PZP: variants seen among roughly 807,000 people sequenced by gnomAD.
PZP encodes pregnancy zone protein.
PZP carries 150 observed loss-of-function variants against 179.8 expected under a neutral mutation model. The observed-to-expected ratio is 0.83, with a 90% confidence interval of 0.73 to 0.96. The LOEUF (loss-of-function observed/expected upper bound fraction) is 0.96. Ranked by LOEUF, PZP falls within the 40% of genes least tolerant of loss-of-function variation. The pLI is 0.00. For missense variants in PZP, 1,689 were observed against 1,764.0 expected, an observed-to-expected ratio of 0.96 and a Z score of 0.76; for synonymous variants, 624 against 652.3, an observed-to-expected ratio of 0.96 and a Z score of 0.66.
chr12:9,189,369 A>C (rs768544105), intron 13 of PZP, among the ~76,000 whole-genome samples: 1 of 152,270 alleles, frequency 6.6e-6, no homozygotes, highest in Admixed American at 6.5e-5. Context: ...TCTGATCTTC[A>C]ACAAAGCTAA....
chr12:9,207,889 ACTT>A (rs1944519140), intron 1 of PZP, among the ~76,000 whole-genome samples: 1 of 152,268 alleles, frequency 6.6e-6, no homozygotes, highest in Admixed American at 6.5e-5. Flanking sequence ...AAGGAGCTAT[ACTT>A]TCTGTATATA....
chr12:9,187,371 A>C (rs900282990), intron 13 of PZP, among the ~76,000 whole-genome samples: 4 of 152,160 alleles, frequency 2.6e-5, no homozygotes, highest in Non-Finnish European at 5.9e-5. Context: ...ACAAAACAAC[A>C]ACACATACAT....
Position 9,166,094 on chromosome 12 carries a change from C to T in PZP, c.2216G>A (p.Ser739Asn). 6.2e-7 allele frequency: 1 copy of T among 1,612,606 alleles called. No individual in the cohort carries two copies. Among genetic ancestry groups the T allele is most frequent in the Non-Finnish European group, 8.5e-7 (1 of 1,179,782 alleles). The change falls in exon 18 of 36, where the codon AGC becomes AAC. Residue 739 changes from serine (S) to asparagine (N), a missense_variant. Coordinates refer to ENST00000261336, the MANE Select transcript of PZP (RefSeq NM_002864.3). ...SSGPVPETVRSYFPETWIWEL... is the reference protein window; with the variant it reads ...SSGPVPETVRNYFPETWIWEL... ...CCAGATCCAAGTCTCAGGAAAATAG[C>T]TTCGCACCGTTTCAGGGACTGGCCC...
intron 22 of PZP, among the ~76,000 whole-genome samples, chr12:9,161,696 T>A (rs767904674): frequency 6.6e-6 from 1 of 152,218 alleles, no homozygotes; most frequent in Non-Finnish European, 1.5e-5. Context: ...TGAATATACC[T>A]TAAATTAGTC....
intron 13 of PZP, among the ~76,000 whole-genome samples, chr12:9,189,738 T>C (rs1054518666): frequency 4.6e-5 from 7 of 152,178 alleles, no homozygotes; most frequent in African/African-American, 1.7e-4. Flanking sequence ...TTGCAATCTA[T>C]GCATCCAATA....
intron 15 of PZP, among the ~76,000 whole-genome samples, chr12:9,179,317 C>T (rs1395535725): frequency 6.6e-6 from 1 of 152,098 alleles, no homozygotes; most frequent in African/African-American, 2.4e-5. Flanking sequence ...TTTATTGCCT[C>T]TCTCTAAGGA....
At chr12:9,138,572 T>C in the PZP span, among the ~76,000 whole-genome samples, 4 of 152,018 alleles carry the variant, frequency 2.6e-5, no homozygotes, top group Non-Finnish European at 4.4e-5. Context: ...TTGAGACTGA[T>C]TGGCACTTTT....
chr12:9,197,365 A>G lies in PZP; in HGVS notation c.756-242T>C, dbSNP rs1298793726. On this transcript the variant is annotated intron_variant, in intron 7 of 35. Coordinates refer to ENST00000261336, the MANE Select transcript of PZP (RefSeq NM_002864.3). Reference sequence around the variant, plus strand: ...ATTGAATATATATATTTATATAAATATTTTTATATATTTAATATATAATAT... The same window carrying G: ...ATTGAATATATATATTTATATAAATGTTTTTATATATTTAATATATAATAT... 2.1e-5 allele frequency among the ~76,000 whole-genome samples: 3 copies of G among 142,684 alleles called. No individual in the cohort carries two copies. In the East Asian group the frequency reaches 5.9e-4, roughly 28 times the overall value. The allele number at this position is 142,684 out of a possible 152,430, so 93.6% of individuals were successfully genotyped here. A position where few individuals can be genotyped will look rare whatever the true frequency, so the allele number is the denominator to read the frequency against.
At chr12:9,139,862 G>A in the PZP span, among the ~76,000 whole-genome samples, 1 of 152,168 alleles carries the variant, frequency 6.6e-6, no homozygotes, top group Non-Finnish European at 1.5e-5. Flanking sequence ...TTTTGGTCAG[G>A]ACCACTCTCT....
At chr12:9,194,550 T>A (rs112175487) in intron 10 of PZP, among the ~76,000 whole-genome samples, 1 of 149,284 alleles carries the variant, frequency 6.7e-6, no homozygotes, top group Non-Finnish European at 1.5e-5. Flanking sequence ...CTGCAAGCTC[T>A]GCCTCCTGGA....
chr12:9,174,061 C>T (rs1328081752), intron 15 of PZP, among the ~76,000 whole-genome samples: 3 of 152,124 alleles, frequency 2.0e-5, no homozygotes, highest in African/African-American at 7.2e-5. Context: ...TGATGAACAT[C>T]GATGCAAAAA....
At chr12:9,139,002 C>G in the PZP span, among the ~76,000 whole-genome samples, 2 of 151,748 alleles carry the variant, frequency 1.3e-5, no homozygotes, top group Non-Finnish European at 2.9e-5. Flanking sequence ...TTTCTAGCCT[C>G]TTGAAGTATA....
rs375594058 is a variant in PZP at position 9,161,035 on chromosome 12, A to G, written c.2870T>C (p.Leu957Pro). The G allele has an allele frequency of 1.3e-6, 2 of 1,579,904 alleles. No homozygotes were observed. The highest frequency in any genetic ancestry group is 4.5e-5 in the East Asian group (2 of 44,720). Reference sequence around the variant, plus strand: ...TTACTAAATGGAAGGTGACTCACCCAGAACTGAGAAAGAAGCTCTGGCAGA... The same window carrying G: ...TTACTAAATGGAAGGTGACTCACCCGGAACTGAGAAAGAAGCTCTGGCAGA... ...KESARASFSV[L>P]GDILGSAMQN... The change falls in exon 23 of 36, where the codon CTG becomes CCG. Residue 957 changes from leucine (L) to proline (P), a missense_variant and splice_region_variant. Physicochemically the swap from Leu to Pro is moderately conservative, Grantham distance 98 (BLOSUM62 -3). Around this residue, in one of 3 missense-constraint regions of PZP, gnomAD observed 746 missense variants for 749.2 expected, o/e 1.00. Transcript: ENST00000261336.
chr12:9,143,169 G>A, the PZP span, among the ~76,000 whole-genome samples: 4 of 152,208 alleles, frequency 2.6e-5, no homozygotes, highest in African/African-American at 9.7e-5. Context: ...ATTGGGTTAT[G>A]TGCAGGAATT....
chr12:9,180,337 G>A (rs959079611), intron 15 of PZP, among the ~76,000 whole-genome samples: 30 of 152,140 alleles, frequency 2.0e-4, no homozygotes, highest in East Asian at 5.8e-4. Context: ...AGCCCGCATC[G>A]CCAAGGCAAT....
At chr12:9,177,812 G>A (rs1942490400) in intron 15 of PZP, among the ~76,000 whole-genome samples, 1 of 152,138 alleles carries the variant, frequency 6.6e-6, no homozygotes, top group African/African-American at 2.4e-5. Flanking sequence ...TTAAATTTAT[G>A]TGACTAAAAG....
chr12:9,207,782 G>GGA (rs1944511620), intron 1 of PZP, among the ~76,000 whole-genome samples: 1 of 152,208 alleles, frequency 6.6e-6, no homozygotes, highest in African/African-American at 2.4e-5. Flanking sequence ...TTATTGAGTT[G>GGA]TACCAACTTA....
Position 9,202,572 on chromosome 12 carries a change from A to C in PZP, c.380T>G (p.Leu127Arg). The C allele has an allele frequency of 1.2e-6, 2 of 1,614,162 alleles. No individual in the cohort carries two copies. Among genetic ancestry groups the C allele is most frequent in the Non-Finnish European group, 1.7e-6 (2 of 1,180,008 alleles). ...GGGTTTGTCTGTCTGGACAAAGACC[A>C]GACTTTGGGTGTTCAGTACCAGAAC... ...NTVLVLNTQS[L>R]VFVQTDKPMY... is the part of the protein sequence containing the mutation. The change falls in exon 3 of 36, where the codon CTG becomes CGG. Residue 127 changes from leucine to arginine, a missense_variant. Around this residue, in one of 3 missense-constraint regions of PZP, gnomAD observed 742 missense variants for 730.5 expected, o/e 1.02. Coordinates refer to ENST00000261336, the MANE Select transcript of PZP (RefSeq NM_002864.3).
intron 7 of PZP, among the ~76,000 whole-genome samples, chr12:9,198,590 CAT>C (rs1219615102): frequency 6.6e-6 from 1 of 152,086 alleles, no homozygotes; most frequent in Non-Finnish European, 1.5e-5. Context: ...CCTAGGAACA[CAT>C]GAGGCATGTA....
Sources: allele counts gnomAD v4.1 joint callset (sites outside exome capture counted in the v4.1 genomes callset), GRCh38; gene constraint gnomAD v4.1.1; regional missense constraint gnomAD v4.1.1; transcripts MANE v1.5; gene names NCBI Gene and HGNC (gene_info 2026-07-23, HGNC 2026-07-21).